Variants in RAD52 observed in about 807,000 individuals in gnomAD.
RAD52 encodes RAD52 DNA repair protein.
Under a neutral mutation model 55.5 loss-of-function variants are expected in RAD52, and 47 were observed. That is an observed-to-expected ratio of 0.85 (90% CI 0.67 to 1.08). The LOEUF (loss-of-function observed/expected upper bound fraction) is 1.08. Among genes scored for constraint, RAD52 ranks in the 50% least tolerant of loss-of-function variants. The probability of loss-of-function intolerance (pLI) is 0.00; values close to 1 mark genes in which losing one functional copy is unlikely to be tolerated. For missense variants in RAD52, 468 were observed against 522.8 expected (o/e 0.90, Z 1.02); for synonymous variants, 184 against 198.9 (o/e 0.92, Z 0.63).
chr12:928,400 C>T (rs1222141532), intron 5 of RAD52, among the ~76,000 whole-genome samples: 3 of 151,950 alleles, frequency 2.0e-5, no homozygotes, highest in African/African-American at 7.3e-5. Context: ...GCCTGTAATC[C>T]CAGCTACTTG....
upstream of RAD52, among the ~76,000 whole-genome samples, chr12:954,573 G>A (rs918463056): frequency 6.6e-6 from 1 of 152,204 alleles, no homozygotes; most frequent in Non-Finnish European, 1.5e-5. Context: ...GGTGGAGGTT[G>A]CATTGAGCTG....
intron 1 of RAD52, among the ~76,000 whole-genome samples, chr12:970,407 G>A (rs549261516): frequency 6.6e-6 from 1 of 151,728 alleles, no homozygotes; most frequent in Admixed American, 6.6e-5. Flanking sequence ...GCTGATTAGG[G>A]TGGTTACTGG....
intron 1 of RAD52, among the ~76,000 whole-genome samples, chr12:941,426 C>G (rs575342301): frequency 6.7e-6 from 1 of 149,234 alleles, no homozygotes; most frequent in Non-Finnish European, 1.5e-5. Flanking sequence ...TCAAGTGATT[C>G]TCCTGCCTCA....
rs750425355 is a variant in RAD52 at position 973,782 on chromosome 12, C to CTT, written c.-19+16025_-19+16026dup. Reference sequence around the variant, plus strand: ...GCATGAGCCACCACGCCCAGTCCTTCTTTTTTTTTTTTTTTTTTTTTTAAG... The same window carrying CTT: ...GCATGAGCCACCACGCCCAGTCCTTCTTTTTTTTTTTTTTTTTTTTTTTTAAG... On this transcript the variant is annotated intron_variant, in intron 1 of 11. Coordinates refer to the RAD52 transcript ENST00000430095. 3.3e-3 allele frequency among the ~76,000 whole-genome samples: 372 copies of CTT among 113,476 alleles called. 6 individuals are homozygous for CTT. The highest frequency in any genetic ancestry group is 0.011 in the African/African-American group (291 of 27,094). 74.4% of individuals were successfully genotyped at this position (113,476 alleles called of 152,430 possible). A position where few individuals can be genotyped will look rare whatever the true frequency, so the allele number is the denominator to read the frequency against.
rs571038482 is a variant in RAD52 at position 977,705 on chromosome 12, T to C, written c.-19+12104A>G. The stretch of plus-strand genomic sequence containing the variant: ...AGAAAGCAGACAATAGCGTGTGTTA[T>C]CAAGCCAGTCACCACTGAACACTGC... On this transcript the variant is annotated intron_variant, in intron 1 of 11. Transcript: ENST00000430095. 3.9e-5 allele frequency among the ~76,000 whole-genome samples: 6 copies of C among 152,326 alleles called. No individual in the cohort carries two copies. The South Asian group carries it at 1.2e-3, about 32-fold the overall frequency.
intron 1 of RAD52, among the ~76,000 whole-genome samples, chr12:986,613 T>G (rs1959088838): frequency 6.6e-6 from 1 of 151,866 alleles, no homozygotes; most frequent in African/African-American, 2.4e-5. Flanking sequence ...GATCTTCTTG[T>G]CTCAGCCTCC....
chr12:969,649 G>A (rs1173755926), intron 1 of RAD52, among the ~76,000 whole-genome samples: 1 of 151,692 alleles, frequency 6.6e-6, no homozygotes, highest in Admixed American at 6.6e-5. Flanking sequence ...AAATTAGCCG[G>A]GCATGCTGTC....
intron 7 of RAD52, among the ~76,000 whole-genome samples, 196 bp from the exon 8 acceptor site, chr12:917,016 G>T (rs1428792667): frequency 6.6e-6 from 1 of 152,188 alleles, no homozygotes; most frequent in Admixed American, 6.5e-5. Context: ...TTGATAAAAA[G>T]GAATCCTTCT....
chr12:930,378 G>A (rs1420862740), intron 3 of RAD52, among the ~76,000 whole-genome samples: 1 of 151,748 alleles, frequency 6.6e-6, no homozygotes, highest in Non-Finnish European at 1.5e-5. Context: ...GAACCAGTCT[G>A]TTAAAAAAAA....
At chr12:916,586 C>T (rs2154108747) in intron 8 of RAD52, 53 bp downstream of exon 8, 1 of 1,595,908 alleles carries the variant, frequency 6.3e-7, no homozygotes, top group South Asian at 1.1e-5. Flanking sequence ...GTGGAGGCAG[C>T]CCCGTGACAC....
intron 1 of RAD52, among the ~76,000 whole-genome samples, chr12:979,862 A>G (rs1390643135): frequency 6.6e-6 from 1 of 152,090 alleles, no homozygotes; most frequent in Non-Finnish European, 1.5e-5. Context: ...CCTGGCTAAC[A>G]CGGTGAAACC....
chr12:980,890 C>T (rs914685949), intron 1 of RAD52, among the ~76,000 whole-genome samples: 1 of 152,122 alleles, frequency 6.6e-6, no homozygotes, highest in Non-Finnish European at 1.5e-5. Flanking sequence ...TGGGGGAATA[C>T]AATTCAATCC....
chr12:970,310 C>T (rs1387797011), intron 1 of RAD52, among the ~76,000 whole-genome samples: 7 of 78,180 alleles, frequency 9.0e-5, no homozygotes, highest in Non-Finnish European at 1.4e-4. Context: ...CAGAACAAGA[C>T]ATCATCTCAA....
chr12:973,782 CTTTTTTTTTT>C (rs750425355), intron 1 of RAD52, among the ~76,000 whole-genome samples: 1 of 113,480 alleles, frequency 8.8e-6, no homozygotes, highest in Non-Finnish European at 1.7e-5. Context: ...CCCAGTCCTT[CTTTTTTTTTT>C]TTTTTTTTTT....
In RAD52 at chr12:935,857, AAAATAAATAAATAAAT is replaced by A. The variant is rs35867275; in HGVS notation, c.-18-2797_-18-2782del. Among the ~76,000 whole-genome samples, 393 of 134,796 alleles carry A rather than the reference AAAATAAATAAATAAAT, an allele frequency of 2.9e-3. 1 individual carries two copies. Among genetic ancestry groups the A allele is most frequent in the African/African-American group, 9.7e-3 (358 of 36,814 alleles). The allele number at this position is 134,796 out of a possible 152,430, so 88.4% of individuals were successfully genotyped here. A position where few individuals can be genotyped will look rare whatever the true frequency, so the allele number is the denominator to read the frequency against. ...AACAAGAGTGAAACTCCGTCTCAAA[AAAATAAATAAATAAAT>A]AAATAAATAAATAAATAAATAAATA... On this transcript the variant is annotated intron_variant, in intron 1 of 11. Transcript: ENST00000358495.
At chr12:988,407 C>T (rs1319758965) in intron 1 of RAD52, among the ~76,000 whole-genome samples, 1 of 152,052 alleles carries the variant, frequency 6.6e-6, no homozygotes, top group Non-Finnish European at 1.5e-5. Context: ...TTCTTAAATA[C>T]CTAATAACAC....
chr12:929,903 G>C lies in RAD52; in HGVS notation c.281-17C>G. On this transcript the variant is annotated splice_polypyrimidine_tract_variant and intron_variant, in intron 4 of 11. Coordinates refer to ENST00000358495, the MANE Select transcript of RAD52 (RefSeq NM_134424.4). ...CAACAAAATCTAGGAGTGGGAAAGA[G>C]AGCAAGTTGAAGAGGACACTGACCG... 3.1e-6 allele frequency: 5 copies of C among 1,610,470 alleles called. No individual in the cohort carries two copies. The highest frequency in any genetic ancestry group is 1.1e-5 in the South Asian group (1 of 91,010).
intron 1 of RAD52, among the ~76,000 whole-genome samples, chr12:959,472 G>A (rs144487227): frequency 6.8e-4 from 104 of 152,342 alleles, no homozygotes; most frequent in African/African-American, 2.1e-3. Context: ...TTATGGTGAC[G>A]TTAAATGAGA....
chr12:979,038 C>T (rs894026406), intron 1 of RAD52, among the ~76,000 whole-genome samples: 1 of 152,122 alleles, frequency 6.6e-6, no homozygotes, highest in East Asian at 1.9e-4. Context: ...CCCACCCCCA[C>T]AGGTAATTGT....
Sources: allele counts gnomAD v4.1 joint callset (sites outside exome capture counted in the v4.1 genomes callset), GRCh38; gene constraint gnomAD v4.1.1; transcripts MANE v1.5; gene names NCBI Gene and HGNC (gene_info 2026-07-23, HGNC 2026-07-21).